TRIM7: variants seen among roughly 807,000 people sequenced by gnomAD.
TRIM7 encodes the protein E3 ubiquitin-protein ligase TRIM7.
TRIM7 carries 32 observed loss-of-function variants against 37.9 expected under a neutral mutation model. The observed-to-expected ratio is 0.84, with a 90% CI of 0.64 to 1.13. TRIM7 has a LOEUF of 1.13. TRIM7 is among the 50% of genes most tolerant of loss of function. The pLI, the probability that TRIM7 is intolerant of heterozygous loss-of-function variation, is 0.00. For synonymous variants in TRIM7, 351 were observed against 321.3 expected, an observed-to-expected ratio of 1.09 and a Z score of -0.99; for missense variants, 732 against 714.0, an observed-to-expected ratio of 1.03 and a Z score of -0.29.
intron 5 of TRIM7, 106 bp from the exon 6 acceptor site, chr5:181,198,324 T>G: frequency 8.1e-7 from 1 of 1,227,590 alleles, no homozygotes; most frequent in East Asian, 2.4e-5. Context: ...CCCCAGAGAC[T>G]CCTAAGGCCA....
At position 181,199,984 on chromosome 5, in the gene TRIM7, T is replaced by C; in HGVS notation, c.716A>G (p.Glu239Gly). ...EQEGRLLGRL[E>G]ELSREVAQKQ... ...CTGTGCCACCTCCCGGGACAGTTCC[T>C]CCAGGCGGCCTAGCAGCCGACCCTC... is the stretch of plus-strand genomic sequence containing the variant. Residue 239 changes from glutamate (E) to glycine (G), a missense_variant, in exon 3 of 7, where the codon GAG (glutamate) becomes GGG (glycine). Physicochemically the swap from Glu to Gly is moderately conservative, Grantham distance 98. Transcript: ENST00000274773. 6.2e-7 allele frequency: 1 copy of C among 1,614,260 alleles called. No homozygotes were observed. The highest frequency in any genetic ancestry group is 8.5e-7 in the Non-Finnish European group (1 of 1,180,050).
intron 6 of TRIM7, chr5:181,196,990 T>C (rs1377393127): frequency 6.6e-6 from 1 of 151,990 alleles, no homozygotes; most frequent in African/African-American, 2.4e-5. Context: ...GAGACATCCG[T>C]CTCCACAAAA....
At position 181,195,347 on chromosome 5, in the gene TRIM7, G is replaced by A. The variant is rs1378390014; in HGVS notation, c.1355C>T (p.Pro452Leu). ...YWAVTSPERS[P>L]LSCGHLSRVR... ...GCGCGACAGGTGCCCGCAGCTGAGGGGCGACCGCTCGGGGCTGGTCACGGC... is the reference window on the plus strand; with the variant it reads ...GCGCGACAGGTGCCCGCAGCTGAGGAGCGACCGCTCGGGGCTGGTCACGGC... Residue 452 changes from proline to leucine, a missense_variant, in exon 7 of 7, where the codon CCC (proline) becomes CTC (leucine). Transcript: ENST00000274773. The A allele has an allele frequency of 3.8e-6, 6 of 1,583,142 alleles. No individual in the cohort carries two copies. Among genetic ancestry groups the A allele is most frequent in the Non-Finnish European group, 5.1e-6 (6 of 1,165,142 alleles).
chr5:181,202,853 C>T (rs1377818599), intron 2 of TRIM7: 2 of 152,298 alleles, frequency 1.3e-5, no homozygotes, highest in African/African-American at 4.8e-5. Context: ...CGTGAGCCAC[C>T]CTGCCAGGCC....
At position 181,195,085 on chromosome 5, in the gene TRIM7, C is replaced by G; in HGVS notation, c.*81G>C. On this transcript the variant is annotated 3_prime_UTR_variant, in exon 7 of 7. Coordinates refer to ENST00000274773, the MANE Select transcript of TRIM7 (RefSeq NM_203293.3). ...GGGTCAGGAGCACGGAGGGCAGACC[C>G]AAGACGGACCAGGCATCTCTGGGGA... 6.6e-7 allele frequency: 1 copy of G among 1,516,056 alleles called. No homozygotes were observed. Among genetic ancestry groups the G allele is most frequent in the South Asian group, 1.3e-5 (1 of 78,068 alleles). 93.9% of individuals were successfully genotyped at this position (1,516,056 alleles called of 1,614,324 possible). A position where few individuals can be genotyped will look rare whatever the true frequency, so the allele number is the denominator to read the frequency against.
At chr5:181,203,260 A>ATG in intron 2 of TRIM7, 1 of 1,254,988 alleles carries the variant, frequency 8.0e-7, no homozygotes, top group East Asian at 3.2e-5. Context: ...CCTAACTGGT[A>ATG]TGTTACGTAA....
intron 1 of TRIM7, chr5:181,204,203 A>C (rs1038454481): frequency 2.9e-6 from 3 of 1,018,634 alleles, no homozygotes; most frequent in Non-Finnish European, 2.3e-6. Context: ...CTTCGGGGAA[A>C]GAGATAAGAG....
rs1269752401 is a variant in TRIM7, at chr5:181,195,261, G to A, written c.1441C>T (p.Arg481Cys). The change falls in exon 7 of 7, where the codon CGC becomes TGC. Residue 481 changes from arginine to cysteine, a missense_variant. Coordinates refer to ENST00000274773, the MANE Select transcript of TRIM7 (RefSeq NM_203293.3). ...TTGACGCGGAAGGTGTAGAGGTGGC[G>A]CATGTCCTCCACAGCGTAGAAGGAC... ...AVSFYAVEDM[R>C]HLYTFRVNFQ... The A allele has an allele frequency of 6.2e-7, 1 of 1,611,028 alleles. No individual in the cohort carries two copies. Among genetic ancestry groups the A allele is most frequent in the African/African-American group, 1.3e-5 (1 of 74,972 alleles).
intron 1 of TRIM7, chr5:181,204,015 C>A: frequency 9.8e-7 from 1 of 1,025,636 alleles, no homozygotes; most frequent in African/African-American, 1.7e-5. Flanking sequence ...CTCACCCCTG[C>A]ACACACCCTC....
chr5:181,197,891 C>T, intron 6 of TRIM7: 1 of 480,632 alleles, frequency 2.1e-6, no homozygotes, highest in East Asian at 3.8e-5. Flanking sequence ...GGAGTGGGGA[C>T]CGGGTAGAGG....
intron 2 of TRIM7, chr5:181,203,304 A>T: frequency 7.5e-7 from 1 of 1,325,560 alleles, no homozygotes; most frequent in Non-Finnish European, 9.6e-7. Context: ...ATTCGCTGGG[A>T]CAGCTCCAGT....
chr5:181,199,200 G>A, intron 3 of TRIM7, 83 bp from the exon 4 acceptor site: 1 of 1,529,742 alleles, frequency 6.5e-7, no homozygotes, highest in Non-Finnish European at 9.1e-7. Flanking sequence ...CCCTTGCTGT[G>A]CCTCCCAGAT....
chr5:181,195,172 C>G lies in TRIM7; in HGVS notation c.1530G>C (p.Trp510Cys). The change falls in exon 7 of 7, where the codon TGG becomes TGC. Residue 510 changes from tryptophan (W) to cysteine (C), a missense_variant. Trp to Cys is a radical substitution (Grantham distance 215, BLOSUM62 -2). Coordinates refer to ENST00000274773, the MANE Select transcript of TRIM7 (RefSeq NM_203293.3). ...AGCTCCCCAGCAGTGCCCCTCAAGG[C>G]CAGATTCGCAAGTAGGTGCCCGTGG... ...VCSTGTYLRI[W>C]P The G allele has an allele frequency of 1.9e-6, 3 of 1,597,168 alleles. No homozygotes were observed. The highest frequency in any genetic ancestry group is 2.6e-6 in the Non-Finnish European group (3 of 1,170,068).
chr5:181,205,147 G>A lies in TRIM7; in HGVS notation c.-37C>T. 1 of 1,282,822 alleles carries A rather than the reference G, an allele frequency of 7.8e-7. No homozygotes were observed. The highest frequency in any genetic ancestry group is 9.9e-7 in the Non-Finnish European group (1 of 1,014,740). 79.5% of individuals were successfully genotyped at this position (1,282,822 alleles called of 1,614,324 possible). ...GCGCACCCAGATCTGGTCGCGCCTG[G>A]GCGGCCACTGGACCTCACAGGACGC... On this transcript the variant is annotated 5_prime_UTR_variant, in exon 1 of 7. Transcript: ENST00000274773.
At chr5:181,199,260 G>A (rs913119769) in intron 3 of TRIM7, 143 bp from the exon 4 acceptor site, 7 of 903,850 alleles carry the variant, frequency 7.7e-6, no homozygotes, top group South Asian at 2.9e-5. Flanking sequence ...GGGCCTCAGG[G>A]GCAGCAGCTT....
intron 2 of TRIM7, chr5:181,200,960 C>G (rs1031163070): frequency 3.1e-6 from 3 of 982,176 alleles, no homozygotes; most frequent in Admixed American, 1.2e-4. Flanking sequence ...GATATTAACT[C>G]CCTCAACCCT....
At position 181,194,925 on chromosome 5, in the gene TRIM7, C is replaced by T; in HGVS notation, c.*241G>A. The T allele has an allele frequency of 2.1e-6, 1 of 480,804 alleles. No individual in the cohort carries two copies. Among genetic ancestry groups the T allele is most frequent in the East Asian group, 3.5e-5 (1 of 28,724 alleles). 29.8% of individuals were successfully genotyped at this position (480,804 alleles called of 1,614,324 possible). A position where few individuals can be genotyped will look rare whatever the true frequency, so the allele number is the denominator to read the frequency against. ...CTCACCGGCCTCCACCTCCTGAAGG[C>T]TCTGGCCAAATCCACATGTGACCTC... is the stretch of plus-strand genomic sequence containing the variant. On this transcript the variant is annotated 3_prime_UTR_variant, in exon 7 of 7. Coordinates refer to ENST00000274773, the MANE Select transcript of TRIM7 (RefSeq NM_203293.3).
rs145627318 is a variant in TRIM7 at position 181,198,767 on chromosome 5, G to A, written c.911C>T (p.Ser304Phe). 1.9e-5 allele frequency: 31 copies of A among 1,614,050 alleles called. No individual in the cohort carries two copies. In the African/African-American group the frequency reaches 3.9e-4, roughly 20 times the overall value. Residue 304 changes from serine (S) to phenylalanine (F), a missense_variant, in exon 5 of 7, where the codon TCT becomes TTT. By Grantham distance (155) the Ser-to-Phe change is radical (BLOSUM62 -2). Coordinates refer to ENST00000274773, the MANE Select transcript of TRIM7 (RefSeq NM_203293.3). ...NVPGPKPTTV[S>F]SEMKNKVWNV... ...CCAGACTTTATTCTTCATCTCAGAA[G>A]AGACTGTGGTTGGCTTGGGGCCAGG...
chr5:181,201,976 G>A (rs1292235295), intron 2 of TRIM7, among the ~76,000 whole-genome samples: 1 of 152,144 alleles, frequency 6.6e-6, no homozygotes, highest in African/African-American at 2.4e-5. Flanking sequence ...CCTCATGGAG[G>A]AAAGTGAGTG....
Sources: allele counts gnomAD v4.1 joint callset (sites outside exome capture counted in the v4.1 genomes callset), GRCh38; gene constraint gnomAD v4.1.1; transcripts MANE v1.5; gene names NCBI Gene and HGNC (gene_info 2026-07-23, HGNC 2026-07-21).